The following RANBP2 variants were observed in gnomAD, a reference collection of about 807,000 sequenced individuals.
The protein encoded by RANBP2 is E3 SUMO-protein ligase RanBP2.
A neutral mutation model predicts 303.6 loss-of-function variants in RANBP2; 57 were observed. That is an observed-to-expected ratio of 0.19 (90% CI 0.15 to 0.23). The LOEUF (loss-of-function observed/expected upper bound fraction) is 0.23, where lower values mean the gene tolerates loss of function less well. Ranked by LOEUF, RANBP2 falls within the 10% of genes least tolerant of loss-of-function variation. RANBP2 has a pLI of 1.00. For synonymous variants in RANBP2, 1,167 were observed against 1,301.5 expected (o/e 0.90, Z 2.23); for missense variants, 3,138 against 3,780.8 (o/e 0.83, Z 4.46).
At position 108,749,670 on chromosome 2, in the gene RANBP2, A is replaced by C. The variant is rs1236596513; in HGVS notation, c.1273+541A>C. Among the ~76,000 whole-genome samples the C allele has an allele frequency of 4.6e-5, 7 of 152,210 alleles. No homozygotes were observed. In the South Asian group the frequency reaches 1.0e-3, roughly 23 times the overall value. ...GTAGTGGCATGATCGTAGGTCACTG[A>C]TACCTTGAACTTCTGGGCTCAAGGG... On this transcript the variant is annotated intron_variant, in intron 9 of 28. Transcript: ENST00000283195.
chr2:108,975,527 G>A, the RANBP2 span, among the ~76,000 whole-genome samples: 5 of 152,220 alleles, frequency 3.3e-5, no homozygotes, highest in African/African-American at 9.6e-5. Flanking sequence ...GATGGATGCC[G>A]GAGTGAGAAG....
intron 1 of RANBP2, among the ~76,000 whole-genome samples, chr2:108,720,593 G>C (rs1226722866): frequency 6.6e-6 from 1 of 152,150 alleles, no homozygotes; most frequent in Non-Finnish European, 1.5e-5. Context: ...CAGCACTGTC[G>C]TTTATAAGCT....
chr2:109,351,223 C>T, the RANBP2 span, among the ~76,000 whole-genome samples: 5 of 152,224 alleles, frequency 3.3e-5, no homozygotes, highest in Non-Finnish European at 7.3e-5. Flanking sequence ...AGCCTCCACA[C>T]GTGCTGGGCC....
chr2:109,642,265 C>T, the RANBP2 span, among the ~76,000 whole-genome samples: 2 of 152,168 alleles, frequency 1.3e-5, no homozygotes, highest in East Asian at 1.9e-4. Flanking sequence ...CAGGTATCAT[C>T]ATCTTTTTCC....
At chr2:109,524,456 A>AC in the RANBP2 span, among the ~76,000 whole-genome samples, 1 of 71,646 alleles carries the variant, frequency 1.4e-5, no homozygotes, top group Non-Finnish European at 3.5e-5. Flanking sequence ...AAAAAAAAAA[A>AC]AAAAAAAAAA....
At chr2:109,499,227 G>A in the RANBP2 span, among the ~76,000 whole-genome samples, 2 of 152,142 alleles carry the variant, frequency 1.3e-5, no homozygotes. Context: ...AGACAGCCTC[G>A]GCGTCTGTGG....
chr2:109,285,389 C>T, the RANBP2 span, among the ~76,000 whole-genome samples: 130 of 152,336 alleles, frequency 8.5e-4, 1 homozygote, highest in Middle Eastern at 3.4e-3. Flanking sequence ...ACGCACAAAA[C>T]TTTTGTCTTA....
chr2:108,975,642 C>T, the RANBP2 span, among the ~76,000 whole-genome samples: 2 of 152,070 alleles, frequency 1.3e-5, no homozygotes, highest in African/African-American at 2.4e-5. Flanking sequence ...AAAATAGAGC[C>T]GGGGGAACAG....
chr2:109,085,405 G>A, the RANBP2 span, among the ~76,000 whole-genome samples: 5 of 152,124 alleles, frequency 3.3e-5, no homozygotes, highest in East Asian at 5.8e-4. Context: ...CTGAGTTCAC[G>A]CCATTCTCCT....
the RANBP2 span, among the ~76,000 whole-genome samples, chr2:109,438,136 G>C: frequency 2.0e-5 from 3 of 152,188 alleles, no homozygotes; most frequent in Admixed American, 2.0e-4. Context: ...CTCAAGTGTG[G>C]AAAGAGGAGA....
the RANBP2 span, among the ~76,000 whole-genome samples, chr2:109,294,807 G>C: frequency 1.3e-5 from 2 of 152,164 alleles, no homozygotes; most frequent in African/African-American, 4.8e-5. Context: ...TACCGACTCA[G>C]CCCAGGCTTA....
At chr2:109,307,739 C>CAA in the RANBP2 span, among the ~76,000 whole-genome samples, 2 of 149,510 alleles carry the variant, frequency 1.3e-5, no homozygotes, top group African/African-American at 5.0e-5. Flanking sequence ...CATGTCCCTA[C>CAA]AAAGGACACG....
At chr2:109,764,536 A>G in the RANBP2 span, among the ~76,000 whole-genome samples, 1 of 150,024 alleles carries the variant, frequency 6.7e-6, no homozygotes, top group Admixed American at 6.8e-5. Flanking sequence ...CGTAGGTTGT[A>G]CATATTAGTG....
chr2:109,736,594 T>C, the RANBP2 span, among the ~76,000 whole-genome samples: 1 of 152,138 alleles, frequency 6.6e-6, no homozygotes, highest in Non-Finnish European at 1.5e-5. Flanking sequence ...AGCAGCACAG[T>C]TTCTCTCTCT....
At chr2:109,256,500 A>C in the RANBP2 span, among the ~76,000 whole-genome samples, 1 of 152,278 alleles carries the variant, frequency 6.6e-6, no homozygotes, top group East Asian at 1.9e-4. Flanking sequence ...ATCAGTCACA[A>C]ACACTTACCA....
the RANBP2 span, among the ~76,000 whole-genome samples, chr2:109,182,493 G>A: frequency 1.2e-4 from 19 of 152,220 alleles, no homozygotes; most frequent in African/African-American, 2.4e-4. Flanking sequence ...AAAGGTGTCT[G>A]CATAGTATAA....
rs1023108046 is a variant in RANBP2, at chr2:108,784,121, T to A, written c.*220T>A. ...CACTGGTGTATTTCAGGTGTACTTG[T>A]GTTTATGTACTCCTGACGTATTAAA... On this transcript the variant is annotated 3_prime_UTR_variant, in exon 29 of 29. Coordinates refer to ENST00000283195, the MANE Select transcript of RANBP2 (RefSeq NM_006267.5). 4 of 533,998 alleles carry A rather than the reference T, an allele frequency of 7.5e-6. No homozygotes were observed. In the African/African-American group the frequency reaches 7.6e-5, roughly 10 times the overall value. The allele number at this position is 533,998 out of a possible 1,614,324, so 33.1% of individuals were successfully genotyped here.
chr2:109,020,587 G>A, the RANBP2 span, among the ~76,000 whole-genome samples: 3 of 152,170 alleles, frequency 2.0e-5, no homozygotes, highest in Non-Finnish European at 4.4e-5. Flanking sequence ...GGATCCAGAT[G>A]GGAAGAAGAA....
chr2:109,291,963 A>T, the RANBP2 span, among the ~76,000 whole-genome samples: 9 of 152,194 alleles, frequency 5.9e-5, no homozygotes, highest in African/African-American at 1.9e-4. Flanking sequence ...TCTCAAGTTC[A>T]CGCCATTCTT....
Sources: gnomAD v4.1 joint callset for allele counts (sites outside exome capture counted in the v4.1 genomes callset) on GRCh38, gnomAD v4.1.1 for gene constraint, MANE v1.5 for transcripts, NCBI Gene and HGNC (gene_info 2026-07-23, HGNC 2026-07-21) for gene names.